The following SYT9 variants were observed in gnomAD, a reference collection of about 807,000 sequenced individuals.
The protein encoded by SYT9 is synaptotagmin-9.
In SYT9, 22 loss-of-function variants were observed where a neutral mutation model predicts 48.4. The observed-to-expected ratio is 0.45, with a 90% confidence interval of 0.32 to 0.65. SYT9 has a LOEUF of 0.65. SYT9 is among the 30% of genes least tolerant of loss of function. The pLI, the probability that SYT9 is intolerant of heterozygous loss-of-function variation, is 0.03. For missense variants in SYT9, 577 were observed against 622.0 expected (o/e 0.93, Z 0.77); for synonymous variants, 265 against 245.0 (o/e 1.08, Z -0.76).
At chr11:7,407,907 C>G (rs77974478) in intron 3 of SYT9, among the ~76,000 whole-genome samples, 1,801 of 152,240 alleles carry the variant, frequency 0.012, 44 homozygotes, top group African/African-American at 0.04. Context: ...TATACCAATA[C>G]TATGTTGTTT....
chr11:7,446,304 TTAAA>T (rs1452769115), intron 6 of SYT9, among the ~76,000 whole-genome samples: 1 of 152,232 alleles, frequency 6.6e-6, no homozygotes, highest in Non-Finnish European at 1.5e-5. Context: ...GTTGTAAGAA[TTAAA>T]TAAGTTAATA....
At chr11:7,348,420 G>A (rs1849842647) in intron 3 of SYT9, among the ~76,000 whole-genome samples, 1 of 152,090 alleles carries the variant, frequency 6.6e-6, no homozygotes, top group Admixed American at 6.6e-5. Context: ...ATCCTTTACT[G>A]GGCATATAGT....
intron 3 of SYT9, among the ~76,000 whole-genome samples, chr11:7,336,995 ATTTG>A (rs1449161224): frequency 6.6e-6 from 1 of 152,044 alleles, no homozygotes; most frequent in Non-Finnish European, 1.5e-5. Context: ...ATGTTTTTCC[ATTTG>A]TTTGTGTCAT....
chr11:7,249,922 G>A (rs965309811), upstream of SYT9, among the ~76,000 whole-genome samples: 2 of 151,964 alleles, frequency 1.3e-5, no homozygotes, highest in African/African-American at 4.8e-5. Context: ...GATGTTGCTC[G>A]CTCCTCTACC....
chr11:7,315,863 AT>A (rs911505193), intron 3 of SYT9, among the ~76,000 whole-genome samples: 19 of 152,150 alleles, frequency 1.2e-4, no homozygotes, highest in African/African-American at 4.3e-4. Context: ...ATGTGAAATT[AT>A]TTATCAGGGA....
intron 1 of SYT9, among the ~76,000 whole-genome samples, chr11:7,283,396 A>T (rs1009622243): frequency 6.6e-6 from 1 of 152,060 alleles, no homozygotes; most frequent in Non-Finnish European, 1.5e-5. Flanking sequence ...TTGCTCCACA[A>T]ATATTTTTAA....
At chr11:7,267,252 A>G (rs778571721) in intron 1 of SYT9, among the ~76,000 whole-genome samples, 12 of 152,048 alleles carry the variant, frequency 7.9e-5, no homozygotes, top group Non-Finnish European at 1.8e-4. Context: ...GAATACATCA[A>G]CTAGACTAAA....
chr11:7,447,485 C>T (rs183569704), intron 6 of SYT9, among the ~76,000 whole-genome samples: 54 of 152,302 alleles, frequency 3.5e-4, no homozygotes, highest in African/African-American at 1.1e-3. Flanking sequence ...TCTTTGTCTG[C>T]GATAGCTACA....
chr11:7,466,610 A>T (rs1461110842), intron 6 of SYT9, among the ~76,000 whole-genome samples, 182 bp from the exon 7 acceptor site: 1 of 151,632 alleles, frequency 6.6e-6, no homozygotes, highest in East Asian at 1.9e-4. Context: ...AATCCCAGCT[A>T]CTTGGGAGGC....
chr11:7,272,127 A>G (rs1848308757), intron 1 of SYT9, among the ~76,000 whole-genome samples: 1 of 152,182 alleles, frequency 6.6e-6, no homozygotes, highest in South Asian at 2.1e-4. Flanking sequence ...GGGGAGAATT[A>G]CCTAACTTCT....
At chr11:7,390,635 C>G (rs1850745182) in intron 3 of SYT9, among the ~76,000 whole-genome samples, 1 of 152,080 alleles carries the variant, frequency 6.6e-6, no homozygotes, top group African/African-American at 2.4e-5. Flanking sequence ...ATTTAATTGA[C>G]AAATAGAAAT....
rs533401445 is a variant in SYT9 at position 7,453,934 on chromosome 11, C to G, written c.1468-12858C>G. On this transcript the variant is annotated intron_variant, in intron 6 of 6. Transcript: ENST00000318881. ...TCTCAGTCGCCCTCCTCAGGAGCAC[C>G]AGGGAAGAGGCCTTAAGCCCAGTCT... is the stretch of plus-strand genomic sequence containing the variant. 81 of 951,862 alleles carry G rather than the reference C, an allele frequency of 8.5e-5. No individual in the cohort carries two copies. The South Asian group carries it at 3.3e-3, about 39-fold the overall frequency. The allele number at this position is 951,862 out of a possible 1,614,324, so 59.0% of individuals were successfully genotyped here.
chr11:7,331,185 G>T (rs933256712), intron 3 of SYT9, among the ~76,000 whole-genome samples: 1 of 151,616 alleles, frequency 6.6e-6, no homozygotes, highest in Non-Finnish European at 1.5e-5. Flanking sequence ...GAAGTGTAAA[G>T]ATAAAACATT....
chr11:7,454,474 G>A (rs1848112515), intron 6 of SYT9, among the ~76,000 whole-genome samples: 1 of 152,114 alleles, frequency 6.6e-6, no homozygotes, highest in Non-Finnish European at 1.5e-5. Flanking sequence ...CCCAAAGCAT[G>A]CAAATGCCAG....
At position 7,387,920 on chromosome 11, in the gene SYT9, T is replaced by C. The variant is rs189126464; in HGVS notation, c.1045-28122T>C. Among the ~76,000 whole-genome samples, 299 of 152,316 alleles carry C rather than the reference T, an allele frequency of 2.0e-3. 3 individuals carry two copies. The Middle Eastern group carries it at 0.024, about 12-fold the overall frequency. Reference sequence around the variant, plus strand: ...ATTCAGTTTTACATTTTGTCTAATTTATTAAAATCTCAAGTCATAACTGAG... The same window carrying C: ...ATTCAGTTTTACATTTTGTCTAATTCATTAAAATCTCAAGTCATAACTGAG... On this transcript the variant is annotated intron_variant, in intron 3 of 6. Transcript: ENST00000318881.
Position 7,252,537 on chromosome 11 carries a change from C to G in SYT9, c.145+206C>G, listed in dbSNP as rs900365040. On this transcript the variant is annotated intron_variant, in intron 1 of 6. Transcript: ENST00000318881. The surrounding 1 kb of genome is among the most constrained non-coding windows in gnomAD (Gnocchi z 6.3). ...CGGGCGGTGGCTACTGCACGGAGGC[C>G]GACTCCGGGTCGGCTAGGGCAGGGT... Among the ~76,000 whole-genome samples, 2 of 152,122 alleles carry G rather than the reference C, an allele frequency of 1.3e-5. No homozygotes were observed. Among genetic ancestry groups the G allele is most frequent in the African/African-American group, 2.4e-5 (1 of 41,446 alleles).
chr11:7,449,922 C>G (rs1848014930), intron 6 of SYT9, among the ~76,000 whole-genome samples: 1 of 152,086 alleles, frequency 6.6e-6, no homozygotes, highest in Non-Finnish European at 1.5e-5. Context: ...CCAACTACCA[C>G]CCCCTCCCCT....
chr11:7,425,418 G>A (rs1014946125), intron 6 of SYT9, among the ~76,000 whole-genome samples: 1 of 152,226 alleles, frequency 6.6e-6, no homozygotes, highest in Non-Finnish European at 1.5e-5. Context: ...AAAGATGGGA[G>A]TGGGGAGAGC....
intron 3 of SYT9, among the ~76,000 whole-genome samples, chr11:7,364,232 A>C (rs1174122143): frequency 6.6e-6 from 1 of 152,196 alleles, no homozygotes; most frequent in African/African-American, 2.4e-5. Flanking sequence ...AAGAAGGATA[A>C]AGATGCAAAC....
Sources: gnomAD v4.1 joint callset for allele counts (sites outside exome capture counted in the v4.1 genomes callset) on GRCh38, gnomAD v4.1.1 for gene constraint, Gnocchi (gnomAD v3.1) non-coding constraint, MANE v1.5 for transcripts, NCBI Gene and HGNC (gene_info 2026-07-23, HGNC 2026-07-21) for gene names.